PTPN12: variants seen among roughly 807,000 people sequenced by gnomAD.
PTPN12 encodes the protein protein tyrosine phosphatase non-receptor type 12.
PTPN12 carries 29 observed loss-of-function variants against 97.6 expected under a neutral mutation model. That is an observed-to-expected ratio of 0.30 (90% confidence interval 0.22 to 0.41). The LOEUF is 0.41. PTPN12 is among the 10% of genes least tolerant of loss of function. PTPN12 has a pLI of 1.00. For synonymous variants in PTPN12, 327 were observed against 300.4 expected (o/e 1.09, Z -0.91); for missense variants, 819 against 926.0 (o/e 0.88, Z 1.50).
chr7:77,620,411 G>A (rs1278744250), intron 12 of PTPN12, among the ~76,000 whole-genome samples: 2 of 152,148 alleles, frequency 1.3e-5, no homozygotes, highest in African/African-American at 2.4e-5. Context: ...CTTTGTGTGT[G>A]ATTTTATAAT....
At chr7:77,603,836 C>G (rs1379821984) in intron 8 of PTPN12, among the ~76,000 whole-genome samples, 1 of 150,046 alleles carries the variant, frequency 6.7e-6, no homozygotes, top group Non-Finnish European at 1.5e-5. Flanking sequence ...GTGAGAGTAC[C>G]TATTTCCCTA....
intron 12 of PTPN12, among the ~76,000 whole-genome samples, chr7:77,623,094 C>T (rs867116943): frequency 6.6e-6 from 1 of 150,788 alleles, no homozygotes; most frequent in Non-Finnish European, 1.5e-5. Flanking sequence ...GCTTGATATA[C>T]ACCACCAAAT....
intron 5 of PTPN12, among the ~76,000 whole-genome samples, chr7:77,589,180 C>T (rs1787788472): frequency 6.6e-6 from 1 of 152,080 alleles, no homozygotes; most frequent in Non-Finnish European, 1.5e-5. Flanking sequence ...TCCACCGCAC[C>T]AGGCCTGAAT....
At chr7:77,563,002 C>A (rs1168471398) in intron 1 of PTPN12, among the ~76,000 whole-genome samples, 1 of 143,208 alleles carries the variant, frequency 7.0e-6, no homozygotes. Context: ...TACATTTTTT[C>A]ATTTAGTTTA....
At chr7:77,594,105 G>C (rs1487586418) in intron 6 of PTPN12, among the ~76,000 whole-genome samples, 1 of 152,082 alleles carries the variant, frequency 6.6e-6, no homozygotes, top group Non-Finnish European at 1.5e-5. Context: ...GAACTTTTTG[G>C]ATGTAGTATT....
rs1164968281 is a variant in PTPN12, at chr7:77,581,452, A to C, written c.234A>C (p.Thr78=). 1 of 1,608,830 alleles carries C rather than the reference A, an allele frequency of 6.2e-7. No homozygotes were observed. The change falls in exon 3 of 18, where the codon ACA becomes ACC. Residue 78 remains threonine, a synonymous_variant. Transcript: ENST00000248594. ...LPFDHSRVKL[T]LKTPSQDSDY... ...TTGATCACAGCCGAGTTAAATTGAC[A>C]TTAAAGACTCCTTCACAAGATTCAG...
chr7:77,593,506 A>G (rs1787931244), intron 6 of PTPN12, among the ~76,000 whole-genome samples: 1 of 152,218 alleles, frequency 6.6e-6, no homozygotes, highest in South Asian at 2.1e-4. Flanking sequence ...GATAAGCTGG[A>G]GACCCAGGAG....
At chr7:77,613,998 C>T (rs1466844484) in intron 11 of PTPN12, among the ~76,000 whole-genome samples, 1 of 152,036 alleles carries the variant, frequency 6.6e-6, no homozygotes, top group Non-Finnish European at 1.5e-5. Context: ...CTCAAGCTTT[C>T]CTCCTGCCTC....
At chr7:77,587,851 T>G (rs117776438) in intron 5 of PTPN12, among the ~76,000 whole-genome samples, 2,791 of 152,348 alleles carry the variant, frequency 0.018, 34 homozygotes, top group Middle Eastern at 0.071. Context: ...GTGCTTCATC[T>G]CGCACTTTTA....
chr7:77,596,594 TAG>T (rs1288023119), intron 6 of PTPN12, among the ~76,000 whole-genome samples: 1 of 152,186 alleles, frequency 6.6e-6, no homozygotes, highest in Admixed American at 6.6e-5. Flanking sequence ...TATTTTTTTG[TAG>T]AGACAGGGTT....
At chr7:77,636,876 A>G in intron 15 of PTPN12, 142 bp from the exon 16 acceptor site, 1 of 595,274 alleles carries the variant, frequency 1.7e-6, no homozygotes. Context: ...GCCTAATTAA[A>G]AAACAATTGT....
chr7:77,637,395 A>G (rs958796494), intron 16 of PTPN12, among the ~76,000 whole-genome samples: 1 of 152,150 alleles, frequency 6.6e-6, no homozygotes, highest in Non-Finnish European at 1.5e-5. Flanking sequence ...TTCTGTAGAA[A>G]CCTATTGTTT....
chr7:77,564,280 C>CT (rs1454186898), intron 1 of PTPN12: 1 of 152,426 alleles, frequency 6.6e-6, no homozygotes, highest in Non-Finnish European at 1.5e-5. Flanking sequence ...GGCTGGTACT[C>CT]TAATTTTACT....
At chr7:77,612,601 G>A (rs1467115575) in intron 11 of PTPN12, among the ~76,000 whole-genome samples, 1 of 151,680 alleles carries the variant, frequency 6.6e-6, no homozygotes, top group Non-Finnish European at 1.5e-5. Flanking sequence ...ACCACACCTG[G>A]CTAATTTTGT....
At chr7:77,552,918 G>A (rs1030382778) in intron 1 of PTPN12, among the ~76,000 whole-genome samples, 1 of 152,220 alleles carries the variant, frequency 6.6e-6, no homozygotes, top group Non-Finnish European at 1.5e-5. Flanking sequence ...CACAGTGTCA[G>A]ATGTGTCAGA....
intron 4 of PTPN12, among the ~76,000 whole-genome samples, chr7:77,584,967 T>C (rs999621342): frequency 6.6e-6 from 1 of 152,146 alleles, no homozygotes; most frequent in Non-Finnish European, 1.5e-5. Context: ...ACAACTTACT[T>C]TGAAATGCAT....
At chr7:77,537,840 C>T (rs1054276416) in intron 1 of PTPN12, among the ~76,000 whole-genome samples, 195 bp downstream of exon 1, 47 of 151,946 alleles carry the variant, frequency 3.1e-4, no homozygotes, top group African/African-American at 9.6e-4. Context: ...CTCCTTTCTT[C>T]TCCCATGTTC....
intron 1 of PTPN12, among the ~76,000 whole-genome samples, chr7:77,550,184 T>G (rs1807418140): frequency 6.6e-6 from 1 of 152,164 alleles, no homozygotes; most frequent in South Asian, 2.1e-4. Context: ...GTCAGTTGGT[T>G]GTCTGTGCCC....
intron 1 of PTPN12, among the ~76,000 whole-genome samples, chr7:77,545,506 A>T (rs1435918005): frequency 3.3e-5 from 5 of 152,100 alleles, no homozygotes; most frequent in Non-Finnish European, 7.4e-5. Context: ...CATATGATCC[A>T]AGTGCTGCTC....
Sources: gnomAD v4.1 joint callset for allele counts (sites outside exome capture counted in the v4.1 genomes callset) on GRCh38, gnomAD v4.1.1 for gene constraint, MANE v1.5 for transcripts, NCBI Gene and HGNC (gene_info 2026-07-23, HGNC 2026-07-21) for gene names.